The following LRP1B variants were observed in gnomAD, a reference collection of about 807,000 sequenced individuals.
LRP1B encodes low-density lipoprotein receptor-related protein 1B.
A neutral mutation model predicts 556.6 loss-of-function variants in LRP1B; 217 were observed. The ratio of observed to expected loss-of-function variants is 0.39; its 90% CI spans 0.35 to 0.44. LRP1B has a LOEUF of 0.44. Ranked by LOEUF, LRP1B falls within the 20% of genes least tolerant of loss-of-function variation. The pLI, the probability that LRP1B is intolerant of heterozygous loss-of-function variation, is 1.00. For missense variants in LRP1B, 5,053 were observed against 5,620.8 expected (o/e 0.90, Z 3.23); for synonymous variants, 2,047 against 1,865.8 (o/e 1.10, Z -2.50).
At chr2:140,262,108 T>G (rs1358729324) in intron 86 of LRP1B, among the ~76,000 whole-genome samples, 1 of 151,734 alleles carries the variant, frequency 6.6e-6, no homozygotes, top group Non-Finnish European at 1.5e-5. Context: ...TGTACAAAAA[T>G]ATGGACTTTC....
intron 41 of LRP1B, among the ~76,000 whole-genome samples, chr2:140,696,864 G>A (rs1036003446): frequency 6.6e-6 from 1 of 152,128 alleles, no homozygotes; most frequent in African/African-American, 2.4e-5. Flanking sequence ...TGTTCAAAAG[G>A]TTGAGGACCA....
intron 2 of LRP1B, among the ~76,000 whole-genome samples, chr2:141,793,617 G>A (rs1032120335): frequency 1.3e-5 from 2 of 151,770 alleles, no homozygotes; most frequent in African/African-American, 4.8e-5. Flanking sequence ...TCATTAGAGC[G>A]AATAGCATAT....
chr2:141,280,983 T>C (rs1444979004), intron 3 of LRP1B, among the ~76,000 whole-genome samples: 1 of 152,006 alleles, frequency 6.6e-6, no homozygotes, highest in African/African-American at 2.4e-5. Flanking sequence ...CTTATCATAA[T>C]ATTATTCATT....
chr2:141,180,044 C>T (rs112460145), intron 7 of LRP1B, among the ~76,000 whole-genome samples: 14 of 151,620 alleles, frequency 9.2e-5, no homozygotes, highest in African/African-American at 2.9e-4. Context: ...TGTTTGCAAA[C>T]CAAGATTCTT....
At chr2:140,490,323 A>G (rs1357925960) in intron 57 of LRP1B, among the ~76,000 whole-genome samples, 1 of 152,104 alleles carries the variant, frequency 6.6e-6, no homozygotes, top group East Asian at 1.9e-4. Context: ...CAGTTTCTAA[A>G]TATAGTATAT....
chr2:141,188,087 C>T (rs181248906), intron 7 of LRP1B, among the ~76,000 whole-genome samples: 1 of 152,134 alleles, frequency 6.6e-6, no homozygotes, highest in East Asian at 1.9e-4. Flanking sequence ...AAAAAGTCCA[C>T]TGTTAAGCAT....
chr2:141,749,803 C>A (rs1052573809), intron 2 of LRP1B, among the ~76,000 whole-genome samples: 2 of 152,038 alleles, frequency 1.3e-5, no homozygotes, highest in African/African-American at 4.8e-5. Flanking sequence ...AAATTATGAA[C>A]CTCCTGTGAG....
intron 1 of LRP1B, among the ~76,000 whole-genome samples, chr2:141,818,547 T>TC (rs2105724415): frequency 7.1e-6 from 1 of 140,802 alleles, no homozygotes; most frequent in South Asian, 2.4e-4. Context: ...TTTTTTTTTT[T>TC]TTTTTTTGAG....
intron 72 of LRP1B, among the ~76,000 whole-genome samples, chr2:140,359,820 T>C (rs1282431863): frequency 4.6e-5 from 7 of 151,584 alleles, no homozygotes; most frequent in Non-Finnish European, 8.9e-5. Context: ...CTCTTTATCA[T>C]CTCGTCTTAC....
chr2:141,135,520 G>A (rs945065776), intron 7 of LRP1B, among the ~76,000 whole-genome samples: 3 of 151,924 alleles, frequency 2.0e-5, no homozygotes, highest in African/African-American at 2.4e-5. Context: ...ACATGCACAC[G>A]CGTGCACACA....
chr2:140,702,251 TA>T lies in LRP1B; in HGVS notation c.6191del (p.Ile2064LysfsTer57). On this transcript the variant is annotated frameshift_variant, in exon 39 of 91. Coordinates refer to ENST00000389484, the MANE Select transcript of LRP1B (RefSeq NM_018557.3). LOFTEE classifies it high-confidence loss of function. ...CTCCAGTCTCAAGGTCGATTCTCTCTATCTTGTCTGTGCGAGCATCACACCA... is the reference window on the plus strand; with the variant it reads ...CTCCAGTCTCAAGGTCGATTCTCTCTTCTTGTCTGTGCGAGCATCACACCA... ...LYWCDARTDKIERIDLETGGN... is the reference protein window; with the variant it reads ...LYWCDARTDKXERIDLETGGN... The T allele has an allele frequency of 6.2e-7, 1 of 1,613,752 alleles. No homozygotes were observed.
chr2:141,716,012 G>C (rs1045278558), intron 2 of LRP1B, among the ~76,000 whole-genome samples: 1 of 152,116 alleles, frequency 6.6e-6, no homozygotes, highest in Non-Finnish European at 1.5e-5. Flanking sequence ...AATTCAGATA[G>C]AACACCATAT....
intron 47 of LRP1B, among the ~76,000 whole-genome samples, chr2:140,532,797 A>G (rs904836422): frequency 1.3e-5 from 2 of 151,730 alleles, no homozygotes; most frequent in Non-Finnish European, 2.9e-5. Context: ...CTTTTGTTTC[A>G]TTCATTCTAC....
chr2:141,408,255 G>T (rs1171852541), intron 3 of LRP1B, among the ~76,000 whole-genome samples: 1 of 147,634 alleles, frequency 6.8e-6, no homozygotes, highest in African/African-American at 2.5e-5. Context: ...CCATTCTCCT[G>T]CCTCAGCCTC....
chr2:140,431,147 T>C (rs993287984), intron 66 of LRP1B, among the ~76,000 whole-genome samples: 11 of 152,260 alleles, frequency 7.2e-5, no homozygotes, highest in African/African-American at 2.6e-4. Context: ...TTCAGGCTTT[T>C]AGTATTCAGT....
intron 52 of LRP1B, among the ~76,000 whole-genome samples, chr2:140,509,364 A>T (rs1352354692): frequency 6.6e-6 from 1 of 152,122 alleles, no homozygotes; most frequent in African/African-American, 2.4e-5. Context: ...TCCTGAGGTG[A>T]CTTAGAGTCA....
chr2:140,293,634 A>G (rs1683487425), intron 84 of LRP1B, among the ~76,000 whole-genome samples: 1 of 152,158 alleles, frequency 6.6e-6, no homozygotes, highest in Admixed American at 6.6e-5. Context: ...TGTATATGCA[A>G]GATACAATTT....
At chr2:140,251,591 T>C (rs1681417565) in intron 86 of LRP1B, among the ~76,000 whole-genome samples, 1 of 151,954 alleles carries the variant, frequency 6.6e-6, no homozygotes, top group Admixed American at 6.6e-5. Context: ...AAATTGAATT[T>C]ATCCTCTTAT....
At chr2:140,635,065 A>G (rs1349260556) in intron 41 of LRP1B, among the ~76,000 whole-genome samples, 1 of 152,124 alleles carries the variant, frequency 6.6e-6, no homozygotes, top group Non-Finnish European at 1.5e-5. Flanking sequence ...TCTCAGTACC[A>G]TCTTCTCAAT....
Sources: allele counts gnomAD v4.1 joint callset (sites outside exome capture counted in the v4.1 genomes callset), GRCh38; gene constraint gnomAD v4.1.1; transcripts MANE v1.5; gene names NCBI Gene and HGNC (gene_info 2026-07-23, HGNC 2026-07-21).